DCC: variants seen among roughly 807,000 people sequenced by gnomAD.
DCC encodes the protein netrin receptor DCC.
In DCC, 58 loss-of-function variants were observed where a neutral mutation model predicts 172.5. That is an observed-to-expected ratio of 0.34 (90% CI 0.27 to 0.42). The LOEUF is 0.42. DCC is among the 10% of genes least tolerant of loss of function. The probability of loss-of-function intolerance (pLI) is 1.00; values close to 1 mark genes in which losing one functional copy is unlikely to be tolerated. For missense variants in DCC, 1,740 were observed against 1,791.0 expected (o/e 0.97, Z 0.51); for synonymous variants, 709 against 644.5 (o/e 1.10, Z -1.52).
chr18:53,313,827 C>A (rs2057312470), intron 13 of DCC, among the ~76,000 whole-genome samples: 1 of 152,096 alleles, frequency 6.6e-6, no homozygotes, highest in South Asian at 2.1e-4. Flanking sequence ...GATTCTTTAC[C>A]CAAGGATAGT....
intron 15 of DCC, among the ~76,000 whole-genome samples, chr18:53,367,595 C>T (rs748850971): frequency 1.3e-4 from 20 of 152,000 alleles, no homozygotes; most frequent in Middle Eastern, 3.2e-3. Context: ...TGTAATGTTG[C>T]GCAGCCATCG....
chr18:53,286,455 G>A (rs1402724122), intron 12 of DCC, among the ~76,000 whole-genome samples: 1 of 152,164 alleles, frequency 6.6e-6, no homozygotes, highest in African/African-American at 2.4e-5. Context: ...CCATGATTGT[G>A]AGGCCTTCTA....
At chr18:52,682,351 A>G (rs2035762195) in intron 1 of DCC, among the ~76,000 whole-genome samples, 1 of 152,124 alleles carries the variant, frequency 6.6e-6, no homozygotes, top group South Asian at 2.1e-4. Context: ...CTGGGATAAA[A>G]CATGCACTCT....
At chr18:52,571,396 C>T (rs1320869214) in intron 1 of DCC, among the ~76,000 whole-genome samples, 2 of 137,964 alleles carry the variant, frequency 1.4e-5, no homozygotes, top group African/African-American at 5.0e-5. Flanking sequence ...TTAATGGTCA[C>T]CTGTTTTTAT....
intron 2 of DCC, among the ~76,000 whole-genome samples, chr18:52,768,900 A>G (rs943363462): frequency 2.6e-5 from 4 of 152,228 alleles, no homozygotes; most frequent in Admixed American, 1.3e-4. Context: ...AGGAAGCAAC[A>G]GAAGAGAAAA....
intron 2 of DCC, chr18:52,817,981 G>A (rs1175946575): frequency 2.0e-5 from 3 of 152,138 alleles, no homozygotes; most frequent in Non-Finnish European, 2.9e-5. Flanking sequence ...GGATAAATAT[G>A]AAATGCTACA....
At chr18:53,207,508 G>T (rs2055671858) in intron 10 of DCC, among the ~76,000 whole-genome samples, 171 bp from the exon 11 acceptor site, 1 of 152,166 alleles carries the variant, frequency 6.6e-6, no homozygotes, top group African/African-American at 2.4e-5. Context: ...CTACAGATTA[G>T]TTGGTTTTTA....
chr18:53,015,131 T>C (rs1234489691), intron 5 of DCC, among the ~76,000 whole-genome samples: 1 of 152,180 alleles, frequency 6.6e-6, no homozygotes, highest in Non-Finnish European at 1.5e-5. Context: ...AGATTTTGCC[T>C]CTCGAAAATT....
intron 1 of DCC, among the ~76,000 whole-genome samples, chr18:52,472,181 G>A (rs1222108478): frequency 6.6e-6 from 1 of 152,144 alleles, no homozygotes; most frequent in African/African-American, 2.4e-5. Context: ...CCAGTCCAGT[G>A]AAATGAGTCA....
At chr18:52,706,667 C>T (rs1355895927) in intron 1 of DCC, among the ~76,000 whole-genome samples, 2 of 152,110 alleles carry the variant, frequency 1.3e-5, no homozygotes, top group East Asian at 3.9e-4. Context: ...TACACGGATT[C>T]GTTTGTTTAC....
chr18:53,013,928 CATAG>C (rs1386956788), intron 5 of DCC, among the ~76,000 whole-genome samples: 2 of 152,034 alleles, frequency 1.3e-5, no homozygotes, highest in Non-Finnish European at 2.9e-5. Context: ...CAACAATAAC[CATAG>C]ATAGATACTT....
intron 21 of DCC, among the ~76,000 whole-genome samples, chr18:53,434,814 G>A (rs1419910521): frequency 6.6e-6 from 1 of 152,126 alleles, no homozygotes; most frequent in Admixed American, 6.5e-5. Flanking sequence ...TGTTCTAAAA[G>A]GTTCAGGAGA....
intron 5 of DCC, among the ~76,000 whole-genome samples, chr18:53,037,586 A>C (rs1048667635): frequency 2.0e-5 from 3 of 152,004 alleles, no homozygotes; most frequent in Non-Finnish European, 2.9e-5. Context: ...AAAAAATTGA[A>C]GTCCTAAAAT....
chr18:52,728,853 G>C lies in DCC; in HGVS notation c.92-23201G>C, dbSNP rs183038335. 3.9e-5 allele frequency among the ~76,000 whole-genome samples: 6 copies of C among 152,238 alleles called. No homozygotes were observed. In the East Asian group the frequency reaches 1.2e-3, roughly 30 times the overall value. Reference sequence around the variant, plus strand: ...TTGTTGCATCCTTCATGCAAACAAGGATTCGACAGCTGTCAAAAGGGCAGA... The same window carrying C: ...TTGTTGCATCCTTCATGCAAACAAGCATTCGACAGCTGTCAAAAGGGCAGA... On this transcript the variant is annotated intron_variant, in intron 1 of 28. Transcript: ENST00000442544.
chr18:53,463,289 AG>A (rs2045581735), intron 24 of DCC, among the ~76,000 whole-genome samples: 1 of 152,190 alleles, frequency 6.6e-6, no homozygotes, highest in South Asian at 2.1e-4. Flanking sequence ...TCCTGGGGGA[AG>A]GTTTAATCCC....
At chr18:53,415,173 A>T (rs1910233700) in intron 20 of DCC, among the ~76,000 whole-genome samples, 1 of 152,192 alleles carries the variant, frequency 6.6e-6, no homozygotes, top group Non-Finnish European at 1.5e-5. Flanking sequence ...ATTTGCTATA[A>T]TAGCGCCACA....
At chr18:52,475,486 G>A (rs2144570150) in intron 1 of DCC, among the ~76,000 whole-genome samples, 2 of 152,210 alleles carry the variant, frequency 1.3e-5, no homozygotes, top group South Asian at 4.1e-4. Context: ...GGAAGGAATG[G>A]AGTTGATGAT....
chr18:53,016,576 C>G (rs867813928), intron 5 of DCC, among the ~76,000 whole-genome samples: 1 of 151,776 alleles, frequency 6.6e-6, no homozygotes, highest in African/African-American at 2.4e-5. Flanking sequence ...AAAATGTTAC[C>G]TAACATATTT....
intron 5 of DCC, among the ~76,000 whole-genome samples, chr18:53,009,857 G>T (rs1024087012): frequency 6.6e-6 from 1 of 151,854 alleles, no homozygotes; most frequent in African/African-American, 2.4e-5. Context: ...TGCCCTATTG[G>T]TTCTCCAAGA....
Sources: allele counts gnomAD v4.1 joint callset (sites outside exome capture counted in the v4.1 genomes callset), GRCh38; gene constraint gnomAD v4.1.1; transcripts MANE v1.5; gene names NCBI Gene and HGNC (gene_info 2026-07-23, HGNC 2026-07-21).